The following IMMP2L variants were observed in gnomAD, a reference collection of about 807,000 sequenced individuals.
IMMP2L encodes the protein mitochondrial inner membrane protease subunit 2.
In IMMP2L, 18 loss-of-function variants were observed where a neutral mutation model predicts 19.3. The observed-to-expected ratio is 0.93, with a 90% CI of 0.64 to 1.38. The LOEUF (loss-of-function observed/expected upper bound fraction) is 1.38. IMMP2L is among the 40% of genes most tolerant of loss of function. The pLI is 0.00. For synonymous variants in IMMP2L, 76 were observed against 73.0 expected, an observed-to-expected ratio of 1.04 and a Z score of -0.21; for missense variants, 233 against 218.2, an observed-to-expected ratio of 1.07 and a Z score of -0.43.
chr7:110,878,438 A>G (rs1233929034), intron 5 of IMMP2L, among the ~76,000 whole-genome samples: 2 of 152,094 alleles, frequency 1.3e-5, no homozygotes, highest in African/African-American at 4.8e-5. Flanking sequence ...GTTAATATTT[A>G]TATTTTGACT....
chr7:111,137,192 C>T (rs1002957329), intron 3 of IMMP2L, among the ~76,000 whole-genome samples: 1 of 152,084 alleles, frequency 6.6e-6, no homozygotes, highest in Non-Finnish European at 1.5e-5. Flanking sequence ...ATTTCCTCCA[C>T]CTCAGCTATT....
At chr7:111,097,474 G>C (rs560121843) in intron 3 of IMMP2L, among the ~76,000 whole-genome samples, 1 of 151,700 alleles carries the variant, frequency 6.6e-6, no homozygotes, top group Non-Finnish European at 1.5e-5. Context: ...TATTTTAGAG[G>C]ATTCATTCCT....
At chr7:111,013,156 G>A (rs575601244) in intron 3 of IMMP2L, among the ~76,000 whole-genome samples, 19 of 152,252 alleles carry the variant, frequency 1.2e-4, no homozygotes, top group African/African-American at 4.6e-4. Context: ...AAGGACAGAT[G>A]AGGCTGTTGT....
chr7:111,362,622 C>A (rs775347525), intron 3 of IMMP2L, among the ~76,000 whole-genome samples: 8 of 152,122 alleles, frequency 5.3e-5, no homozygotes, highest in Non-Finnish European at 4.4e-5. Context: ...AAACTATCAG[C>A]TGTTAACTCA....
chr7:110,982,205 A>G (rs1251740924), intron 3 of IMMP2L, among the ~76,000 whole-genome samples: 2 of 152,140 alleles, frequency 1.3e-5, no homozygotes, highest in East Asian at 1.9e-4. Context: ...CAAAAACAAC[A>G]TAGATACCTT....
intron 4 of IMMP2L, among the ~76,000 whole-genome samples, chr7:110,953,886 T>C (rs1218837017): frequency 1.3e-5 from 2 of 152,126 alleles, no homozygotes; most frequent in Admixed American, 1.3e-4. Flanking sequence ...GGTATCTCAT[T>C]GTGGTTTTTA....
chr7:111,495,782 T>G (rs1013217843), intron 2 of IMMP2L, among the ~76,000 whole-genome samples: 17 of 152,162 alleles, frequency 1.1e-4, no homozygotes, highest in African/African-American at 3.1e-4. Flanking sequence ...ATTCACTGCC[T>G]CCAAGATATA....
At position 111,301,921 on chromosome 7, in the gene IMMP2L, TAAAAAAAAAAAA is replaced by T. The variant is rs59156229; in HGVS notation, c.239+185305_239+185316del. Among the ~76,000 whole-genome samples the T allele has an allele frequency of 6.1e-4, 51 of 83,154 alleles. 1 individual carries two copies. Among genetic ancestry groups the T allele is most frequent in the South Asian group, 1.8e-3 (3 of 1,696 alleles). The allele number at this position is 83,154 out of a possible 152,430, so 54.6% of individuals were successfully genotyped here. ...ATTACGCCATGTCAGTTTCATGCTT[TAAAAAAAAAAAA>T]AAAAAAAAAAAAAAAAAACCTTAAG... On this transcript the variant is annotated intron_variant, in intron 3 of 5. Coordinates refer to ENST00000405709, the MANE Select transcript of IMMP2L (RefSeq NM_032549.4).
intron 3 of IMMP2L, chr7:111,392,707 T>C (rs1832480028): frequency 4.4e-6 from 2 of 455,238 alleles, no homozygotes; most frequent in Non-Finnish European, 8.8e-6. Flanking sequence ...CTGTCCAACT[T>C]GGCTATAAAG....
intron 4 of IMMP2L, among the ~76,000 whole-genome samples, chr7:110,931,486 G>C (rs1563089889): frequency 6.6e-6 from 1 of 152,012 alleles, no homozygotes; most frequent in African/African-American, 2.4e-5. Flanking sequence ...GAAATCCAAA[G>C]AGCCACCTCT....
chr7:111,470,901 A>G (rs115300614), intron 3 of IMMP2L, among the ~76,000 whole-genome samples: 2,166 of 151,536 alleles, frequency 0.014, 53 homozygotes, highest in African/African-American at 0.05. Context: ...AAATAAATAA[A>G]TAAAGAGAAG....
chr7:111,221,477 A>G (rs1051508939), intron 3 of IMMP2L, among the ~76,000 whole-genome samples: 1 of 151,978 alleles, frequency 6.6e-6, no homozygotes, highest in African/African-American at 2.4e-5. Flanking sequence ...ATAGACAAGT[A>G]ACAAGCATTT....
intron 3 of IMMP2L, among the ~76,000 whole-genome samples, chr7:111,202,202 A>G (rs754097817): frequency 1.3e-5 from 2 of 152,204 alleles, no homozygotes; most frequent in African/African-American, 2.4e-5. Flanking sequence ...CTTTGATATC[A>G]GGTTATAAAT....
At chr7:110,669,441 G>A (rs1791739414) in intron 5 of IMMP2L, among the ~76,000 whole-genome samples, 1 of 152,168 alleles carries the variant, frequency 6.6e-6, no homozygotes, top group Admixed American at 6.5e-5. Context: ...CAATTTAAAT[G>A]TAAATCTCAT....
intron 3 of IMMP2L, among the ~76,000 whole-genome samples, chr7:111,126,394 C>T (rs1801315558): frequency 6.6e-6 from 1 of 152,092 alleles, no homozygotes; most frequent in African/African-American, 2.4e-5. Context: ...ATTTAGCTCA[C>T]TCCAATATAA....
intron 4 of IMMP2L, among the ~76,000 whole-genome samples, chr7:110,919,266 C>T (rs887150054): frequency 6.6e-6 from 1 of 152,150 alleles, no homozygotes; most frequent in Non-Finnish European, 1.5e-5. Flanking sequence ...TTCTGATTGA[C>T]TTTTCCTAAT....
At chr7:111,180,536 A>G (rs1392171459) in intron 3 of IMMP2L, among the ~76,000 whole-genome samples, 1 of 152,076 alleles carries the variant, frequency 6.6e-6, no homozygotes, top group Non-Finnish European at 1.5e-5. Flanking sequence ...CATATGTAAC[A>G]AAAAGGAAAG....
intron 3 of IMMP2L, among the ~76,000 whole-genome samples, chr7:111,042,845 AAAT>A (rs752596972): frequency 1.3e-5 from 2 of 152,232 alleles, no homozygotes; most frequent in Non-Finnish European, 2.9e-5. Context: ...ATGCTAGGGA[AAAT>A]AATAAAGAAA....
chr7:110,788,514 T>C (rs1235453694), intron 5 of IMMP2L, among the ~76,000 whole-genome samples: 1 of 151,718 alleles, frequency 6.6e-6, no homozygotes, highest in Non-Finnish European at 1.5e-5. Flanking sequence ...CCTTGGACCT[T>C]CTTTTCTTTA....
Sources: gnomAD v4.1 joint callset for allele counts (sites outside exome capture counted in the v4.1 genomes callset) on GRCh38, gnomAD v4.1.1 for gene constraint, MANE v1.5 for transcripts, NCBI Gene and HGNC (gene_info 2026-07-23, HGNC 2026-07-21) for gene names.